Variants in TTC3 observed in about 807,000 individuals in gnomAD.
TTC3 encodes tetratricopeptide repeat domain 3.
TTC3 carries 180 observed loss-of-function variants against 249.6 expected under a neutral mutation model. The ratio of observed to expected loss-of-function variants is 0.72; its 90% confidence interval spans 0.64 to 0.82. TTC3 has a LOEUF of 0.82. Ranked by LOEUF, TTC3 falls within the 40% of genes least tolerant of loss-of-function variation. The probability of loss-of-function intolerance (pLI) is 0.00; values close to 1 mark genes in which losing one functional copy is unlikely to be tolerated. For missense variants in TTC3, 2,061 were observed against 2,398.4 expected, an observed-to-expected ratio of 0.86 and a Z score of 2.94; for synonymous variants, 717 against 805.0, an observed-to-expected ratio of 0.89 and a Z score of 1.85.
chr21:37,126,849 C>G (rs183019141), intron 15 of TTC3, among the ~76,000 whole-genome samples: 2 of 150,908 alleles, frequency 1.3e-5, no homozygotes, highest in East Asian at 3.9e-4. Context: ...GGTCTCTTTT[C>G]TTTTTCTTTC....
intron 20 of TTC3, among the ~76,000 whole-genome samples, chr21:37,144,304 C>T (rs896939735): frequency 6.6e-6 from 1 of 151,866 alleles, no homozygotes; most frequent in South Asian, 2.1e-4. Context: ...CACAATAAAG[C>T]CAGTGTCCAA....
intron 10 of TTC3, chr21:37,100,863 G>A (rs1440480130): frequency 3.9e-5 from 6 of 152,326 alleles, no homozygotes; most frequent in Admixed American, 1.3e-4. Flanking sequence ...TAGGGCATTT[G>A]AGAGTGATCA....
intron 20 of TTC3, 61 bp from the exon 21 acceptor site, chr21:37,144,464 T>C: frequency 6.4e-7 from 1 of 1,559,954 alleles, no homozygotes; most frequent in South Asian, 1.2e-5. Flanking sequence ...TTGGTGACTT[T>C]TGAAGGGAGT....
At chr21:37,136,336 C>T (rs1460405629) in intron 18 of TTC3, among the ~76,000 whole-genome samples, 32 of 152,224 alleles carry the variant, frequency 2.1e-4, no homozygotes, top group Admixed American at 2.0e-3. Context: ...AAAGCTAGTC[C>T]TCTTGTGCCA....
intron 25 of TTC3, 86 bp downstream of exon 25, chr21:37,150,970 T>C: frequency 1.0e-6 from 1 of 1,002,634 alleles, no homozygotes; most frequent in East Asian, 2.5e-5. Flanking sequence ...ATTATGCCTT[T>C]TTAAAAATTG....
chr21:37,186,538 T>G (rs1264541318), intron 37 of TTC3, among the ~76,000 whole-genome samples: 1 of 152,210 alleles, frequency 6.6e-6, no homozygotes. Flanking sequence ...ATCTCCCAGC[T>G]CAAGCAATTC....
At chr21:37,165,787 A>G (rs1368403198) in exon 33 of TTC3, 1 of 1,614,042 alleles carries the variant, frequency 6.2e-7, no homozygotes, top group South Asian at 1.1e-5. Flanking sequence ...AAACAAAAGT[A>G]GAAGAAATTT....
chr21:37,086,383 G>T (rs569529061), intron 1 of TTC3: 1 of 152,172 alleles, frequency 6.6e-6, no homozygotes, highest in East Asian at 1.9e-4. Flanking sequence ...TTTCAGTGAT[G>T]TTTGGCCTAT....
intron 1 of TTC3, among the ~76,000 whole-genome samples, chr21:37,079,823 C>T (rs567286520): frequency 5.3e-5 from 8 of 152,042 alleles, no homozygotes; most frequent in East Asian, 1.9e-4. Context: ...TGTGAGCCAC[C>T]GCTCGTGGTA....
rs764056291 is a variant in TTC3, at chr21:37,121,914, C to T, written c.998C>T (p.Pro333Leu). 16 of 1,612,750 alleles carry T rather than the reference C, an allele frequency of 9.9e-6. No individual in the cohort carries two copies. The South Asian group carries it at 1.5e-4, about 16-fold the overall frequency. ...GCTCAAAAACTCTGTAAAAATGACC[C>T]TGAGGGAATCAAGGATCTAATTCAG... The change falls in exon 12 of 46, where the codon CCT becomes CTT. Residue 333 changes from proline (P) to leucine (L), a missense_variant. Pro to Leu is a moderately conservative substitution (Grantham distance 98, BLOSUM62 -3). Coordinates refer to ENST00000355666, the Ensembl canonical transcript of TTC3.
Position 37,073,485 on chromosome 21 carries a change from T to C in TTC3, c.-12+121T>C. ...TCCGTGGGTGTGTGGTGAGTGTGGGTGTGTGCGCGTCTCCTCGCGTCCCTC... is the reference window on the plus strand; with the variant it reads ...TCCGTGGGTGTGTGGTGAGTGTGGGCGTGTGCGCGTCTCCTCGCGTCCCTC... On this transcript the variant is annotated intron_variant, in intron 1 of 45. Coordinates refer to ENST00000355666, the Ensembl canonical transcript of TTC3. 4.1e-6 allele frequency: 4 copies of C among 985,778 alleles called. No homozygotes were observed. Among genetic ancestry groups the C allele is most frequent in the Non-Finnish European group, 4.8e-6 (4 of 830,416 alleles). The allele number at this position is 985,778 out of a possible 1,614,324, so 61.1% of individuals were successfully genotyped here.
At position 37,087,455 on chromosome 21, in the gene TTC3, G is replaced by T. The variant is rs1377532313; in HGVS notation, c.144+54G>T. 6 of 1,595,994 alleles carry T rather than the reference G, an allele frequency of 3.8e-6. No individual in the cohort carries two copies. The East Asian group carries it at 1.3e-4, about 36-fold the overall frequency. ...TGACATTGTGTATTGAAGGTTTTCT[G>T]GTTTAGGGCTATCTGAGTAAAGATG... On this transcript the variant is annotated intron_variant, in intron 2 of 45. Coordinates refer to ENST00000355666, the Ensembl canonical transcript of TTC3.
At chr21:37,079,685 CCA>C (rs2071374068) in intron 1 of TTC3, among the ~76,000 whole-genome samples, 1 of 151,760 alleles carries the variant, frequency 6.6e-6, no homozygotes. Flanking sequence ...CCGTGCGCCA[CCA>C]TGCTTGGCTG....
intron 11 of TTC3, among the ~76,000 whole-genome samples, chr21:37,117,058 T>C (rs202126117): frequency 1.5e-5 from 2 of 129,228 alleles, no homozygotes; most frequent in East Asian, 4.4e-4. Context: ...ATGAACTTTA[T>C]ATTATAAATA....
intron 16 of TTC3, among the ~76,000 whole-genome samples, chr21:37,130,316 C>A (rs1315096519): frequency 6.6e-6 from 1 of 152,018 alleles, no homozygotes; most frequent in South Asian, 2.1e-4. Context: ...CCTGCCCTCC[C>A]CTGTACCCCT....
At chr21:37,111,462 A>G (rs1453401811) in intron 11 of TTC3, among the ~76,000 whole-genome samples, 4 of 152,232 alleles carry the variant, frequency 2.6e-5, no homozygotes, top group African/African-American at 4.8e-5. Flanking sequence ...AGGCCATTAC[A>G]TAATGGTAAA....
chr21:37,105,492 G>A (rs2074989808), intron 10 of TTC3, among the ~76,000 whole-genome samples: 1 of 152,084 alleles, frequency 6.6e-6, no homozygotes, highest in African/African-American at 2.4e-5. Flanking sequence ...AGCAGAAGAA[G>A]GACAACTTTG....
intron 31 of TTC3, 21 bp from the exon 32 acceptor site, chr21:37,164,030 T>G: frequency 6.3e-7 from 1 of 1,590,458 alleles, no homozygotes. Context: ...AAATTGGGTG[T>G]TTTTTGTTGT....
At chr21:37,157,578 C>G (rs1194891161) in intron 28 of TTC3, among the ~76,000 whole-genome samples, 1 of 152,176 alleles carries the variant, frequency 6.6e-6, no homozygotes, top group African/African-American at 2.4e-5. Flanking sequence ...CCAACACTTT[C>G]TTTCTCCCTG....
Sources: allele counts gnomAD v4.1 joint callset (sites outside exome capture counted in the v4.1 genomes callset), GRCh38; gene constraint gnomAD v4.1.1; transcripts MANE v1.5; gene names NCBI Gene and HGNC (gene_info 2026-07-23, HGNC 2026-07-21).